WNT2B: variants seen among roughly 807,000 people sequenced by gnomAD.
WNT2B encodes Wnt family member 2B, also known as protein Wnt-2b.
Under a neutral mutation model 40.5 loss-of-function variants are expected in WNT2B, and 19 were observed. The ratio of observed to expected loss-of-function variants is 0.47; its 90% CI spans 0.33 to 0.69. The LOEUF is 0.69. Ranked by LOEUF, WNT2B falls within the 30% of genes least tolerant of loss-of-function variation. WNT2B has a pLI of 0.02. For synonymous variants in WNT2B, 220 were observed against 211.9 expected (o/e 1.04, Z -0.33); for missense variants, 467 against 556.4 (o/e 0.84, Z 1.62).
At chr1:112,480,058 A>G (rs540394988) in intron 1 of WNT2B, among the ~76,000 whole-genome samples, 2 of 152,010 alleles carry the variant, frequency 1.3e-5, no homozygotes, top group Non-Finnish European at 2.9e-5. Context: ...CTCCAAGCTA[A>G]CCATAAAGAA....
chr1:112,467,673 T>C, intron 1 of WNT2B: 1 of 718,716 alleles, frequency 1.4e-6, no homozygotes, highest in East Asian at 2.6e-5. Flanking sequence ...ACTTTACATA[T>C]TTATGGGGTA....
exon 1 of WNT2B, chr1:112,466,724 T>A (rs890129413): frequency 6.6e-6 from 1 of 152,204 alleles, no homozygotes; most frequent in Non-Finnish European, 1.5e-5. Context: ...AGGAGGATTC[T>A]ATCTATTTAT....
rs780155327 is a variant in WNT2B, at chr1:112,516,488, A to C, written c.681+71A>C. 1.9e-4 allele frequency: 284 copies of C among 1,532,238 alleles called. 1 individual carries two copies. Among genetic ancestry groups the C allele is most frequent in the Middle Eastern group, 1.2e-3 (5 of 4,122 alleles). 94.9% of individuals were successfully genotyped at this position (1,532,238 alleles called of 1,614,324 possible). On this transcript the variant is annotated intron_variant, in intron 3 of 4. Coordinates refer to ENST00000369684, the MANE Select transcript of WNT2B (RefSeq NM_024494.3). ...GACCAGTGTGTGTGACCATGGACTA[A>C]ATAAATGTGAAGATGGAAGAGCTGA...
At chr1:112,482,146 CAA>C (rs60224833) in intron 1 of WNT2B, among the ~76,000 whole-genome samples, 20 of 124,918 alleles carry the variant, frequency 1.6e-4, no homozygotes, top group African/African-American at 3.5e-4. Flanking sequence ...AACTCCATCT[CAA>C]AAAAAAAAAA....
chr1:112,476,729 G>T (rs1651064929), intron 1 of WNT2B, among the ~76,000 whole-genome samples: 1 of 152,194 alleles, frequency 6.6e-6, no homozygotes, highest in African/African-American at 2.4e-5. Context: ...GACCCCTGCA[G>T]TTTCCACCAG....
intron 1 of WNT2B, among the ~76,000 whole-genome samples, chr1:112,473,708 A>G (rs993822502): frequency 6.6e-6 from 1 of 152,118 alleles, no homozygotes; most frequent in South Asian, 2.1e-4. Context: ...ATTCACAGAT[A>G]CAAAAAAAGC....
chr1:112,520,423 G>A lies in WNT2B; in HGVS notation c.1090G>A (p.Ala364Thr), dbSNP rs1234642238. 6.2e-7 allele frequency: 1 copy of A among 1,614,152 alleles called. No homozygotes were observed. The highest frequency in any genetic ancestry group is 1.7e-5 in the Admixed American group (1 of 60,020). Residue 364 changes from alanine to threonine, a missense_variant, in exon 5 of 5, where the codon GCT (alanine) becomes ACT (threonine). Ala to Thr is a moderately conservative substitution (Grantham distance 58). Around this residue, in one of 2 missense-constraint regions of WNT2B, gnomAD observed 330 missense variants for 438.6 expected, o/e 0.75. Coordinates refer to ENST00000369684, the MANE Select transcript of WNT2B (RefSeq NM_024494.3). ...QCECKFHWCCAVRCKECRNTV... is the reference protein window; with the variant it reads ...QCECKFHWCCTVRCKECRNTV... ...TGAGTGCAAATTCCACTGGTGCTGT[G>A]CTGTACGGTGCAAGGAATGCAGAAA... is the stretch of plus-strand genomic sequence containing the variant.
In WNT2B at chr1:112,517,397, A is replaced by G. The variant is rs772191432; in HGVS notation, c.946+12A>G. 7 of 1,592,872 alleles carry G rather than the reference A, an allele frequency of 4.4e-6. No individual in the cohort carries two copies. The highest frequency in any genetic ancestry group is 5.2e-6 in the Non-Finnish European group (6 of 1,164,550). On this transcript the variant is annotated intron_variant, in intron 4 of 4. Transcript: ENST00000369684. ...GGACAAGGCTGCAGGTGAGTAAGGA[A>G]GGCAGGCAGGGACATGCAGTCCCAG...
chr1:112,494,693 T>C (rs1651711838), intron 1 of WNT2B, among the ~76,000 whole-genome samples: 1 of 151,572 alleles, frequency 6.6e-6, no homozygotes, highest in African/African-American at 2.4e-5. Context: ...GTAAACACTG[T>C]CTCAGACAAA....
intron 1 of WNT2B, among the ~76,000 whole-genome samples, chr1:112,510,001 A>G (rs1196233235): frequency 2.0e-5 from 3 of 152,192 alleles, no homozygotes; most frequent in Non-Finnish European, 4.4e-5. Context: ...ATGGGTTTGC[A>G]TTATCTAGGC....
chr1:112,520,171 C>T, intron 4 of WNT2B, 109 bp from the exon 5 acceptor site: 4 of 1,116,396 alleles, frequency 3.6e-6, no homozygotes, highest in Non-Finnish European at 5.2e-6. Flanking sequence ...CCACTGTGCC[C>T]AGCCCAAAAA....
At chr1:112,499,481 C>G (rs1247279125) in intron 1 of WNT2B, among the ~76,000 whole-genome samples, 1 of 152,154 alleles carries the variant, frequency 6.6e-6, no homozygotes, top group Non-Finnish European at 1.5e-5. Context: ...ATATGCAAGG[C>G]TGATTCAACA....
intron 1 of WNT2B, among the ~76,000 whole-genome samples, chr1:112,510,340 G>A (rs879894585): frequency 6.6e-6 from 1 of 152,106 alleles, no homozygotes; most frequent in Non-Finnish European, 1.5e-5. Flanking sequence ...CCCCACCATG[G>A]GGAGAGGGCA....
chr1:112,501,949 A>C (rs1651967532), intron 1 of WNT2B, among the ~76,000 whole-genome samples: 1 of 152,264 alleles, frequency 6.6e-6, no homozygotes, highest in Admixed American at 6.5e-5. Flanking sequence ...ATCCCCAAGA[A>C]GACGAAGCTC....
In WNT2B at chr1:112,509,511, ACTGG is replaced by A; in HGVS notation, c.182+71_182+74del. 1 of 1,488,598 alleles carries A rather than the reference ACTGG, an allele frequency of 6.7e-7. No homozygotes were observed. The highest frequency in any genetic ancestry group is 2.7e-5 in the Admixed American group (1 of 37,086). 92.2% of individuals were successfully genotyped at this position (1,488,598 alleles called of 1,614,324 possible). A position where few individuals can be genotyped will look rare whatever the true frequency, so the allele number is the denominator to read the frequency against. On this transcript the variant is annotated intron_variant, in intron 1 of 4. Coordinates refer to ENST00000369684, the MANE Select transcript of WNT2B (RefSeq NM_024494.3). This position sits in a 1 kb window ranked among gnomAD's most constrained non-coding sequence, Gnocchi z 4.2. ...GGAGAGGCCGGAGGCGCCTGGAGGGACTGGCTGCTCACGGGACCAGGCTGTTGCT... is the reference window on the plus strand; with the variant it reads ...GGAGAGGCCGGAGGCGCCTGGAGGGACTGCTCACGGGACCAGGCTGTTGCT...
At chr1:112,498,035 C>T (rs1165932074) in intron 1 of WNT2B, among the ~76,000 whole-genome samples, 2 of 152,058 alleles carry the variant, frequency 1.3e-5, no homozygotes, top group East Asian at 1.9e-4. Flanking sequence ...TTTTAAGCCC[C>T]GCATGCATTA....
intron 1 of WNT2B, among the ~76,000 whole-genome samples, chr1:112,497,126 C>G (rs944540240): frequency 6.6e-6 from 1 of 152,224 alleles, no homozygotes; most frequent in African/African-American, 2.4e-5. Flanking sequence ...CACAGCAGCT[C>G]TTATGGGTTG....
chr1:112,481,953 C>A (rs940152934), intron 1 of WNT2B, among the ~76,000 whole-genome samples: 2 of 152,000 alleles, frequency 1.3e-5, no homozygotes, highest in Non-Finnish European at 2.9e-5. Flanking sequence ...TTGAGACCAG[C>A]CTGGCCAACA....
chr1:112,508,629 G>A (rs963467432), upstream of WNT2B: 2 of 826,684 alleles, frequency 2.4e-6, no homozygotes, highest in Non-Finnish European at 2.9e-6. This position sits in a 1 kb window ranked among gnomAD's most constrained non-coding sequence, Gnocchi z 4.2. Flanking sequence ...GGAAGTGCCC[G>A]CATCCCCTTC....
Sources: allele counts gnomAD v4.1 joint callset (sites outside exome capture counted in the v4.1 genomes callset), GRCh38; gene constraint gnomAD v4.1.1; regional missense constraint gnomAD v4.1.1; non-coding constraint Gnocchi (gnomAD v3.1); transcripts MANE v1.5; gene names NCBI Gene and HGNC (gene_info 2026-07-23, HGNC 2026-07-21).